EHD4: variants seen among roughly 807,000 people sequenced by gnomAD.
The protein encoded by EHD4 is EH domain containing 4.
A neutral mutation model predicts 51.0 loss-of-function variants in EHD4; 37 were observed. The ratio of observed to expected loss-of-function variants is 0.73; its 90% CI spans 0.56 to 0.95. The LOEUF (loss-of-function observed/expected upper bound fraction) is 0.95, where lower values mean the gene tolerates loss of function less well. EHD4 is among the 40% of genes least tolerant of loss of function. The probability of loss-of-function intolerance (pLI) is 0.00; values close to 1 mark genes in which losing one functional copy is unlikely to be tolerated. For synonymous variants in EHD4, 297 were observed against 317.3 expected (o/e 0.94, Z 0.68); for missense variants, 632 against 733.1 (o/e 0.86, Z 1.59).
chr15:41,931,527 A>C (rs1353441624), intron 3 of EHD4, among the ~76,000 whole-genome samples: 1 of 152,214 alleles, frequency 6.6e-6, no homozygotes, highest in Non-Finnish European at 1.5e-5. Context: ...AAATAAAATA[A>C]AACATAAAAT....
At chr15:41,927,127 C>T (rs1188536024) in intron 3 of EHD4, among the ~76,000 whole-genome samples, 1 of 152,228 alleles carries the variant, frequency 6.6e-6, no homozygotes, top group Admixed American at 6.5e-5. Flanking sequence ...ATGGTATATA[C>T]ATTTGCTGAC....
intron 5 of EHD4, among the ~76,000 whole-genome samples, chr15:41,901,621 C>T (rs1475240042): frequency 6.6e-6 from 1 of 152,224 alleles, no homozygotes; most frequent in Non-Finnish European, 1.5e-5. Context: ...CAAAGCAGAG[C>T]CCCTGTCTCC....
chr15:41,915,468 G>C (rs2067577702), intron 4 of EHD4, among the ~76,000 whole-genome samples: 2 of 152,220 alleles, frequency 1.3e-5, no homozygotes, highest in South Asian at 4.1e-4. Flanking sequence ...GAACTACAGT[G>C]AACCTTGAAA....
intron 1 of EHD4, among the ~76,000 whole-genome samples, chr15:41,962,819 C>T (rs2067934352): frequency 6.6e-6 from 1 of 152,024 alleles, no homozygotes; most frequent in African/African-American, 2.4e-5. Flanking sequence ...TGAGAACGGG[C>T]CATGATGAGG....
chr15:41,946,523 G>A (rs1370646404), intron 2 of EHD4, among the ~76,000 whole-genome samples: 1 of 152,178 alleles, frequency 6.6e-6, no homozygotes, highest in African/African-American at 2.4e-5. Flanking sequence ...GAACCCAGGA[G>A]TTCAAGACCA....
chr15:41,939,903 C>A (rs2067757472), intron 3 of EHD4, among the ~76,000 whole-genome samples: 1 of 151,502 alleles, frequency 6.6e-6, no homozygotes, highest in African/African-American at 2.4e-5. Flanking sequence ...GCTCCAAAAT[C>A]AATTGCCCTC....
intron 2 of EHD4, among the ~76,000 whole-genome samples, chr15:41,944,836 G>A (rs2067800698): frequency 6.6e-6 from 1 of 152,166 alleles, no homozygotes; most frequent in South Asian, 2.1e-4. Context: ...AAAGGGTCAA[G>A]TTAGTGGAAG....
chr15:41,955,901 G>T (rs1367036252), intron 1 of EHD4, among the ~76,000 whole-genome samples: 1 of 152,190 alleles, frequency 6.6e-6, no homozygotes, highest in African/African-American at 2.4e-5. Context: ...TTCAAAGCCA[G>T]ATCACACTCT....
At chr15:41,958,952 C>A (rs572592471) in intron 1 of EHD4, among the ~76,000 whole-genome samples, 3 of 152,104 alleles carry the variant, frequency 2.0e-5, no homozygotes, top group Non-Finnish European at 4.4e-5. Flanking sequence ...CCTGAGAGGC[C>A]GACGGGTTCC....
chr15:41,940,964 C>G (rs1312252309), intron 3 of EHD4, among the ~76,000 whole-genome samples: 1 of 152,140 alleles, frequency 6.6e-6, no homozygotes, highest in Non-Finnish European at 1.5e-5. Context: ...TTAGCAGGAC[C>G]ACATATTTCT....
chr15:41,969,486 C>T (rs1052792747), intron 1 of EHD4, among the ~76,000 whole-genome samples: 5 of 151,892 alleles, frequency 3.3e-5, no homozygotes, highest in Non-Finnish European at 5.9e-5. Context: ...GGGGAGGTTG[C>T]GGTGAGCCGA....
Position 41,900,817 on chromosome 15 carries a change from C to T in EHD4, c.1454G>A (p.Gly485Asp), listed in dbSNP as rs1323010180. The T allele has an allele frequency of 3.1e-6, 5 of 1,614,086 alleles. No individual in the cohort carries two copies. Among genetic ancestry groups the T allele is most frequent in the Non-Finnish European group, 4.2e-6 (5 of 1,180,050 alleles). Residue 485 changes from glycine (G) to aspartate (D), a missense_variant, in exon 6 of 6, where the codon GGC (glycine) becomes GAC (aspartate). By Grantham distance (94) the Gly-to-Asp change is moderately conservative. Transcript: ENST00000220325. This position sits in a 1 kb window ranked among gnomAD's most constrained non-coding sequence, Gnocchi z 4.8. ...GCAGTCGGCCAGCTTCCAGATCTTG[C>T]CCAGGACGCTGTTGGGCAGCTTGGA... ...VTSKLPNSVL[G>D]KIWKLADCDC...
chr15:41,945,592 A>G (rs562686799), intron 2 of EHD4, among the ~76,000 whole-genome samples: 2 of 152,330 alleles, frequency 1.3e-5, no homozygotes, highest in East Asian at 1.9e-4. Flanking sequence ...GCTCCCTGAA[A>G]GACAGTGTCC....
chr15:41,931,958 A>G (rs1469165821), intron 3 of EHD4, among the ~76,000 whole-genome samples: 1 of 151,664 alleles, frequency 6.6e-6, no homozygotes, highest in African/African-American at 2.4e-5. Context: ...TACAGGTGTG[A>G]GCCGCCGCGC....
intron 5 of EHD4, among the ~76,000 whole-genome samples, chr15:41,904,771 G>C (rs1204702268): frequency 6.6e-6 from 1 of 152,264 alleles, no homozygotes; most frequent in African/African-American, 2.4e-5. Flanking sequence ...CAGAGGAGCA[G>C]AGTCAGCAGT....
At chr15:41,952,547 CA>C (rs1215179082) in intron 2 of EHD4, among the ~76,000 whole-genome samples, 2 of 152,078 alleles carry the variant, frequency 1.3e-5, no homozygotes, top group African/African-American at 4.8e-5. Flanking sequence ...GAGTTGTAGC[CA>C]GGGGTACCAG....
intron 2 of EHD4, among the ~76,000 whole-genome samples, chr15:41,945,607 G>A (rs1014948413): frequency 2.6e-5 from 4 of 152,218 alleles, no homozygotes; most frequent in Non-Finnish European, 5.9e-5. Flanking sequence ...GTGTCCAGGG[G>A]TGAGGGGCAG....
At chr15:41,953,962 GA>G (rs761512454) in intron 1 of EHD4, 22 bp from the exon 2 acceptor site, 1 of 1,607,816 alleles carries the variant, frequency 6.2e-7, no homozygotes, top group South Asian at 1.1e-5. Context: ...AAGAAGAAGA[GA>G]AAGCTTAGCA....
chr15:41,928,404 T>C (rs1490099356), intron 3 of EHD4: 2 of 152,118 alleles, frequency 1.3e-5, no homozygotes, highest in African/African-American at 4.8e-5. Context: ...ACACAGCTGT[T>C]TCTCAGGGGA....
Sources: allele counts gnomAD v4.1 joint callset (sites outside exome capture counted in the v4.1 genomes callset), GRCh38; gene constraint gnomAD v4.1.1; non-coding constraint Gnocchi (gnomAD v3.1); transcripts MANE v1.5; gene names NCBI Gene and HGNC (gene_info 2026-07-23, HGNC 2026-07-21).